ZNF704: variants seen among roughly 807,000 people sequenced by gnomAD.
The protein encoded by ZNF704 is zinc finger protein 704, also known as glucocorticoid induced gene 1.
ZNF704 carries 10 observed loss-of-function variants against 44.7 expected under a neutral mutation model. The observed-to-expected ratio is 0.22, with a 90% CI of 0.14 to 0.38. The LOEUF is 0.38. Among genes scored for constraint, ZNF704 ranks in the 10% least tolerant of loss-of-function variants. ZNF704 has a pLI of 1.00. For synonymous variants in ZNF704, 211 were observed against 207.6 expected (o/e 1.02, Z -0.14); for missense variants, 390 against 545.5 (o/e 0.71, Z 2.84).
At chr8:80,768,218 A>G (rs1360828246) in intron 2 of ZNF704, among the ~76,000 whole-genome samples, 4 of 152,192 alleles carry the variant, frequency 2.6e-5, no homozygotes, top group African/African-American at 9.6e-5. Context: ...ATGATTCTTT[A>G]ATACTAAGAA....
chr8:80,768,268 T>G (rs1456324843), intron 2 of ZNF704, among the ~76,000 whole-genome samples: 1 of 152,120 alleles, frequency 6.6e-6, no homozygotes, highest in East Asian at 1.9e-4. Flanking sequence ...TTTTTTTTCC[T>G]TTCAGACTCC....
At chr8:80,841,881 C>T (rs1246547347) in intron 1 of ZNF704, among the ~76,000 whole-genome samples, 1 of 152,210 alleles carries the variant, frequency 6.6e-6, no homozygotes, top group African/African-American at 2.4e-5. Flanking sequence ...CCTCAAACTC[C>T]TGGGCTCAAG....
chr8:80,867,859 T>C (rs1188245478), intron 1 of ZNF704, among the ~76,000 whole-genome samples: 1 of 152,254 alleles, frequency 6.6e-6, no homozygotes, highest in Non-Finnish European at 1.5e-5. Context: ...GTGGGAACTT[T>C]AACATATATT....
At chr8:80,741,936 C>A (rs1425817547) in intron 2 of ZNF704, among the ~76,000 whole-genome samples, 1 of 152,126 alleles carries the variant, frequency 6.6e-6, no homozygotes, top group Non-Finnish European at 1.5e-5. Context: ...ACTCGGGCAT[C>A]AGAATTAGGA....
intron 1 of ZNF704, among the ~76,000 whole-genome samples, chr8:80,865,617 T>C (rs1363769119): frequency 6.6e-6 from 1 of 152,246 alleles, no homozygotes; most frequent in Admixed American, 6.5e-5. Context: ...GACATTCACT[T>C]ACTTCAACTA....
intron 2 of ZNF704, among the ~76,000 whole-genome samples, chr8:80,794,843 A>G (rs1198882163): frequency 6.6e-6 from 1 of 152,206 alleles, no homozygotes; most frequent in Non-Finnish European, 1.5e-5. Context: ...GTTTGGAGAG[A>G]AACTCTAGGA....
chr8:80,697,442 C>T (rs757134933), intron 2 of ZNF704, among the ~76,000 whole-genome samples: 3 of 152,146 alleles, frequency 2.0e-5, no homozygotes, highest in Non-Finnish European at 2.9e-5. Context: ...CTCCATGCAG[C>T]GATACTATTC....
chr8:80,693,355 G>A (rs1165740017), intron 2 of ZNF704, among the ~76,000 whole-genome samples: 1 of 152,212 alleles, frequency 6.6e-6, no homozygotes, highest in Admixed American at 6.5e-5. Context: ...TTCATTGAGA[G>A]TGTGCTGTGG....
chr8:80,753,716 A>G (rs1405324546), intron 2 of ZNF704, among the ~76,000 whole-genome samples: 1 of 152,202 alleles, frequency 6.6e-6, no homozygotes, highest in African/African-American at 2.4e-5. Flanking sequence ...AAAAGGACAG[A>G]ATGTTTTAAA....
chr8:80,750,235 C>G (rs1806918114), intron 2 of ZNF704, among the ~76,000 whole-genome samples: 1 of 151,984 alleles, frequency 6.6e-6, no homozygotes, highest in Non-Finnish European at 1.5e-5. Flanking sequence ...CAATTGGGGG[C>G]CAGCTATGAT....
chr8:80,657,746 C>T (rs1172156807), intron 7 of ZNF704, among the ~76,000 whole-genome samples: 1 of 150,958 alleles, frequency 6.6e-6, no homozygotes, highest in Non-Finnish European at 1.5e-5. Flanking sequence ...CCTACTTAAC[C>T]CAGCTATGGT....
intron 3 of ZNF704, among the ~76,000 whole-genome samples, chr8:80,687,700 T>G (rs1315089407): frequency 6.6e-6 from 1 of 152,248 alleles, no homozygotes; most frequent in Non-Finnish European, 1.5e-5. Context: ...AGTTTTCTGA[T>G]GTGTTTTTGT....
intron 2 of ZNF704, among the ~76,000 whole-genome samples, chr8:80,795,916 T>C (rs1807793366): frequency 6.6e-6 from 1 of 152,178 alleles, no homozygotes. Flanking sequence ...CATTTCCAAA[T>C]GCCTCTTGTG....
At chr8:80,652,088 A>G (rs1302639092) in intron 7 of ZNF704, among the ~76,000 whole-genome samples, 1 of 152,372 alleles carries the variant, frequency 6.6e-6, no homozygotes, top group Non-Finnish European at 1.5e-5. Flanking sequence ...CACGAAATGA[A>G]GGCAGAAATA....
chr8:80,868,741 TTTA>T (rs1401159241), intron 1 of ZNF704, among the ~76,000 whole-genome samples: 1 of 152,220 alleles, frequency 6.6e-6, no homozygotes, highest in Non-Finnish European at 1.5e-5. Flanking sequence ...TTCCCATTCT[TTTA>T]TTGATTTTTT....
At chr8:80,800,195 T>A (rs573505833) in intron 2 of ZNF704, among the ~76,000 whole-genome samples, 7 of 152,290 alleles carry the variant, frequency 4.6e-5, no homozygotes, top group African/African-American at 1.7e-4. Context: ...TATGACTGAT[T>A]CAGGTATCTG....
intron 2 of ZNF704, among the ~76,000 whole-genome samples, chr8:80,700,883 C>A (rs564042779): frequency 2.0e-5 from 3 of 152,274 alleles, no homozygotes; most frequent in East Asian, 3.9e-4. Context: ...TCCCCCCTCC[C>A]CTTTTCTGTC....
chr8:80,722,973 TC>T (rs932122377), intron 2 of ZNF704, among the ~76,000 whole-genome samples: 2 of 152,228 alleles, frequency 1.3e-5, no homozygotes, highest in African/African-American at 4.8e-5. Flanking sequence ...TAAAAACAAT[TC>T]TTTTGCATGT....
chr8:80,839,368 T>C (rs977242625), intron 1 of ZNF704, among the ~76,000 whole-genome samples: 1 of 152,248 alleles, frequency 6.6e-6, no homozygotes, highest in Middle Eastern at 3.2e-3. Context: ...ATCATTCCTT[T>C]GGGCAGTAAA....
Sources: allele counts gnomAD v4.1 joint callset (sites outside exome capture counted in the v4.1 genomes callset), GRCh38; gene constraint gnomAD v4.1.1; transcripts MANE v1.5; gene names NCBI Gene and HGNC (gene_info 2026-07-23, HGNC 2026-07-21).